Variants in LAMA3 observed in about 807,000 individuals in gnomAD.
LAMA3 encodes the protein laminin subunit alpha-3.
A neutral mutation model predicts 402.0 loss-of-function variants in LAMA3; 281 were observed. The ratio of observed to expected loss-of-function variants is 0.70; its 90% CI spans 0.63 to 0.77. LAMA3 has a LOEUF of 0.77. LAMA3 is among the 30% of genes least tolerant of loss of function. The probability of loss-of-function intolerance (pLI) is 0.00; values close to 1 mark genes in which losing one functional copy is unlikely to be tolerated. For synonymous variants in LAMA3, 1,431 were observed against 1,558.4 expected (o/e 0.92, Z 1.93); for missense variants, 3,840 against 4,215.5 (o/e 0.91, Z 2.47).
At chr18:23,870,441 A>G (rs1441849967) in intron 37 of LAMA3, among the ~76,000 whole-genome samples, 3 of 152,194 alleles carry the variant, frequency 2.0e-5, no homozygotes, top group Admixed American at 6.5e-5. Context: ...ATCTCAGAAA[A>G]TTAAAAGTAG....
intron 33 of LAMA3, among the ~76,000 whole-genome samples, chr18:23,858,194 C>G (rs933186731): frequency 2.0e-5 from 3 of 152,056 alleles, no homozygotes; most frequent in Admixed American, 2.0e-4. Flanking sequence ...GGTCTCAGAC[C>G]GCCTTAGAAT....
At position 23,749,468 on chromosome 18, in the gene LAMA3, A is replaced by C; in HGVS notation, c.606A>C (p.Ala202=). 6.2e-7 allele frequency: 1 copy of C among 1,612,692 alleles called. No homozygotes were observed. Among genetic ancestry groups the C allele is most frequent in the African/African-American group, 1.3e-5 (1 of 75,032 alleles). The change falls in exon 4 of 75, where the codon GCA becomes GCC. Residue 202 remains alanine, a synonymous_variant. Transcript: ENST00000313654. ...VDCLKEFGRE[A]NMAVTRDDDV... is the part of the protein sequence containing the mutation. ...GTTTAAAAGAATTTGGGCGGGAGGC[A>C]AATATGGCTGTCACCCGGGATGATG...
intron 6 of LAMA3, among the ~76,000 whole-genome samples, chr18:23,755,738 A>G (rs1048687566): frequency 1.3e-5 from 2 of 152,250 alleles, no homozygotes; most frequent in African/African-American, 4.8e-5. Flanking sequence ...TCATAAGCTA[A>G]AAAGTAATAA....
intron 41 of LAMA3, among the ~76,000 whole-genome samples, chr18:23,886,982 A>G (rs770260262): frequency 1.5e-4 from 23 of 152,236 alleles, no homozygotes; most frequent in Non-Finnish European, 2.9e-4. Context: ...TAAGGAGCCC[A>G]ATTCTATGGC....
intron 12 of LAMA3, among the ~76,000 whole-genome samples, chr18:23,786,824 T>A (rs2062554232): frequency 6.6e-6 from 1 of 152,190 alleles, no homozygotes; most frequent in South Asian, 2.1e-4. Context: ...TTTTACAAAA[T>A]AACCAAATGG....
At position 23,839,378 on chromosome 18, in the gene LAMA3, A is replaced by G. The variant is rs909220932; in HGVS notation, c.3192-407A>G. On this transcript the variant is annotated intron_variant, in intron 26 of 74. Transcript: ENST00000313654. This position sits in a 1 kb window ranked among gnomAD's most constrained non-coding sequence, Gnocchi z 4.5. ...TAGGACTGTAGGAACTACCAACACA[A>G]TGTGATTCTGGTTGTGCGTAAAAGA... is the stretch of plus-strand genomic sequence containing the variant. 4.1e-4 allele frequency among the ~76,000 whole-genome samples: 62 copies of G among 152,226 alleles called. No homozygotes were observed. Among genetic ancestry groups the G allele is most frequent in the African/African-American group, 1.5e-3 (62 of 41,456 alleles).
chr18:23,952,874 T>G, intron 73 of LAMA3, 116 bp from the exon 74 acceptor site: 1 of 1,399,980 alleles, frequency 7.1e-7, no homozygotes, highest in African/African-American at 1.4e-5. Flanking sequence ...CTGACCAAAT[T>G]TCTGCAAACA....
intron 23 of LAMA3, among the ~76,000 whole-genome samples, chr18:23,829,126 T>C (rs1038524584): frequency 5.9e-5 from 9 of 152,350 alleles, no homozygotes; most frequent in Non-Finnish European, 1.0e-4. Context: ...CATAGACTTA[T>C]ATCAGTTTAG....
intron 2 of LAMA3, among the ~76,000 whole-genome samples, chr18:23,744,648 G>A (rs1294091694): frequency 1.3e-5 from 2 of 151,944 alleles, no homozygotes; most frequent in African/African-American, 2.4e-5. Context: ...TGGCTAACAC[G>A]GTGAAACCCC....
chr18:23,724,078 T>C (rs904504876), intron 2 of LAMA3, among the ~76,000 whole-genome samples: 1 of 152,174 alleles, frequency 6.6e-6, no homozygotes, highest in Non-Finnish European at 1.5e-5. Flanking sequence ...GTAATTCTTA[T>C]GCCTTTGCAT....
chr18:23,939,619 C>T (rs2082428372), intron 68 of LAMA3, among the ~76,000 whole-genome samples: 1 of 152,226 alleles, frequency 6.6e-6, no homozygotes, highest in South Asian at 2.1e-4. Context: ...GAGGCTGAAA[C>T]AATCAGCTCA....
At chr18:23,865,324 A>G (rs890018325) in intron 36 of LAMA3, among the ~76,000 whole-genome samples, 1 of 152,038 alleles carries the variant, frequency 6.6e-6, no homozygotes, top group African/African-American at 2.4e-5. Context: ...TTTTGTAGAG[A>G]TAGGATCTCA....
chr18:23,938,495 TGAGTCAACTCTGGTGGAAGTG>T (rs1401617145), intron 67 of LAMA3, among the ~76,000 whole-genome samples: 3 of 152,232 alleles, frequency 2.0e-5, no homozygotes, highest in Non-Finnish European at 4.4e-5. Flanking sequence ...CTTCTCTGCA[TGAGTCAACTCTGGTGGAAGTG>T]GGGACAGGAT....
chr18:23,756,429 C>T (rs947198257), intron 6 of LAMA3, among the ~76,000 whole-genome samples: 1 of 150,724 alleles, frequency 6.6e-6, no homozygotes, highest in African/African-American at 2.4e-5. Flanking sequence ...CATGCGGGGA[C>T]ACCCCCGCCG....
At chr18:23,870,045 C>T (rs180836433) in intron 37 of LAMA3, among the ~76,000 whole-genome samples, 149 of 152,194 alleles carry the variant, frequency 9.8e-4, no homozygotes, top group African/African-American at 3.5e-3. Flanking sequence ...TGGCTCACAC[C>T]TGTAATTGCA....
At chr18:23,941,187 C>T (rs1471007873) in intron 68 of LAMA3, among the ~76,000 whole-genome samples, 5 of 152,056 alleles carry the variant, frequency 3.3e-5, no homozygotes, top group South Asian at 4.1e-4. Flanking sequence ...CCGCCCACCT[C>T]GGCCTCCCAA....
chr18:23,891,481 A>G (rs1169871719), intron 42 of LAMA3, among the ~76,000 whole-genome samples: 1 of 152,162 alleles, frequency 6.6e-6, no homozygotes, highest in Non-Finnish European at 1.5e-5. Flanking sequence ...AGGGCCTTCA[A>G]TTTAAAATAA....
intron 34 of LAMA3, among the ~76,000 whole-genome samples, chr18:23,860,326 A>G (rs2064188914): frequency 7.2e-6 from 1 of 137,978 alleles, no homozygotes; most frequent in South Asian, 2.2e-4. Context: ...TGGTGTGATC[A>G]CAGCTCATTG....
At chr18:23,754,456 C>T (rs1017615763) in intron 6 of LAMA3, among the ~76,000 whole-genome samples, 8 of 152,188 alleles carry the variant, frequency 5.3e-5, no homozygotes, top group Non-Finnish European at 1.2e-4. Context: ...TCACTTATTT[C>T]ACTTAGCATA....
Sources: gnomAD v4.1 joint callset for allele counts (sites outside exome capture counted in the v4.1 genomes callset) on GRCh38, gnomAD v4.1.1 for gene constraint, Gnocchi (gnomAD v3.1) non-coding constraint, MANE v1.5 for transcripts, NCBI Gene and HGNC (gene_info 2026-07-23, HGNC 2026-07-21) for gene names.